The following GPR158 variants were observed in gnomAD, a reference collection of about 807,000 sequenced individuals.
GPR158 encodes G protein-coupled receptor 158.
A neutral mutation model predicts 78.2 loss-of-function variants in GPR158; 30 were observed. The ratio of observed to expected loss-of-function variants is 0.38; its 90% CI spans 0.29 to 0.52. The LOEUF is 0.52. Among genes scored for constraint, GPR158 ranks in the 20% least tolerant of loss-of-function variants. The pLI is 0.83. For synonymous variants in GPR158, 581 were observed against 591.1 expected, an observed-to-expected ratio of 0.98 and a Z score of 0.25; for missense variants, 1,463 against 1,523.5, an observed-to-expected ratio of 0.96 and a Z score of 0.66.
intron 2 of GPR158, among the ~76,000 whole-genome samples, chr10:25,372,711 G>A (rs1271891357): frequency 2.7e-5 from 3 of 109,784 alleles, no homozygotes; most frequent in African/African-American, 6.8e-5. Context: ...ACTGTTGTGG[G>A]GTGGGGGGAG....
At chr10:25,545,342 G>C (rs774306622) in intron 5 of GPR158, among the ~76,000 whole-genome samples, 1 of 152,120 alleles carries the variant, frequency 6.6e-6, no homozygotes, top group Admixed American at 6.6e-5. Flanking sequence ...AAGCATCCCT[G>C]TTTCTCCACA....
At chr10:25,234,170 C>A (rs762763254) in intron 2 of GPR158, among the ~76,000 whole-genome samples, 1 of 152,170 alleles carries the variant, frequency 6.6e-6, no homozygotes, top group Non-Finnish European at 1.5e-5. Context: ...TGATTTCTGA[C>A]CTTAATTCCA....
rs569042775 is a variant in GPR158, at chr10:25,190,493, C to T, written c.902+14171C>T. 2.0e-3 allele frequency among the ~76,000 whole-genome samples: 310 copies of T among 152,016 alleles called. 1 individual carries two copies. The highest frequency in any genetic ancestry group is 6.8e-3 in the Middle Eastern group (2 of 294). ...GACTACAGGTGTGCACCACCATGCC[C>T]GGCTAATTTTTCTATTTTTTGTAGA... On this transcript the variant is annotated intron_variant, in intron 1 of 10. Transcript: ENST00000376351.
rs1836168574 is a variant in GPR158 at position 25,516,131 on chromosome 10, C to T, written c.1405-34845C>T. ...TTCTCTGATGGCCAGTGATGATGAG[C>T]ATTTTTTCATGTGTTTTTTGGCTGC... On this transcript the variant is annotated intron_variant, in intron 5 of 10. Transcript: ENST00000376351. Among the ~76,000 whole-genome samples, 3 of 152,046 alleles carry T rather than the reference C, an allele frequency of 2.0e-5. 1 individual carries two copies. In the South Asian group the frequency reaches 6.2e-4, roughly 32 times the overall value.
chr10:25,307,104 T>A (rs1854688541), intron 2 of GPR158, among the ~76,000 whole-genome samples: 1 of 152,108 alleles, frequency 6.6e-6, no homozygotes, highest in East Asian at 1.9e-4. Flanking sequence ...TGATCTCACC[T>A]ACCATTCATT....
At chr10:25,183,431 G>A (rs981014764) in intron 1 of GPR158, among the ~76,000 whole-genome samples, 8 of 152,144 alleles carry the variant, frequency 5.3e-5, no homozygotes, top group African/African-American at 1.9e-4. Flanking sequence ...TATAGGTAGA[G>A]CTCAGAGGAA....
intron 2 of GPR158, among the ~76,000 whole-genome samples, chr10:25,350,612 G>T (rs1234451597): frequency 3.9e-5 from 6 of 151,988 alleles, no homozygotes; most frequent in African/African-American, 1.4e-4. Flanking sequence ...TAAGGGTATT[G>T]AAATTTTCTC....
At chr10:25,457,140 CTTTTTTTTTTTTTT>C (rs11384299) in intron 4 of GPR158, among the ~76,000 whole-genome samples, 1 of 59,402 alleles carries the variant, frequency 1.7e-5, no homozygotes, top group Non-Finnish European at 3.0e-5. Flanking sequence ...CCATGCCCAC[CTTTTTTTTTTTTTT>C]TTTTTTTTTT....
intron 2 of GPR158, among the ~76,000 whole-genome samples, chr10:25,227,292 G>A (rs978997663): frequency 6.6e-6 from 1 of 152,126 alleles, no homozygotes; most frequent in African/African-American, 2.4e-5. Flanking sequence ...TGTGGTTGGG[G>A]GAAAGAGAGA....
At chr10:25,511,343 C>T (rs1003420551) in intron 5 of GPR158, among the ~76,000 whole-genome samples, 1 of 152,140 alleles carries the variant, frequency 6.6e-6, no homozygotes, top group Non-Finnish European at 1.5e-5. Context: ...TGTATATCTT[C>T]TTCTGAGAAT....
At chr10:25,545,032 T>G (rs1429903138) in intron 5 of GPR158, among the ~76,000 whole-genome samples, 1 of 152,232 alleles carries the variant, frequency 6.6e-6, no homozygotes, top group East Asian at 1.9e-4. Flanking sequence ...GCAAAGGACA[T>G]GAACTCATCC....
intron 2 of GPR158, among the ~76,000 whole-genome samples, chr10:25,299,961 G>A (rs1428430655): frequency 1.3e-5 from 2 of 151,994 alleles, no homozygotes; most frequent in Admixed American, 6.6e-5. Flanking sequence ...GGAGTAGCTG[G>A]GATTACAGGT....
At chr10:25,590,153 A>T (rs1212382978) in intron 8 of GPR158, among the ~76,000 whole-genome samples, 3 of 152,156 alleles carry the variant, frequency 2.0e-5, no homozygotes, top group Non-Finnish European at 4.4e-5. Flanking sequence ...GTCAGCAGTC[A>T]GAAGATGTGA....
intron 2 of GPR158, among the ~76,000 whole-genome samples, chr10:25,274,218 G>C (rs1040585055): frequency 6.6e-6 from 1 of 152,116 alleles, no homozygotes; most frequent in African/African-American, 2.4e-5. Flanking sequence ...GTCTTTAGGT[G>C]ATATTCATTT....
At chr10:25,571,018 A>C (rs1836999356) in intron 6 of GPR158, among the ~76,000 whole-genome samples, 1 of 152,222 alleles carries the variant, frequency 6.6e-6, no homozygotes, top group Admixed American at 6.5e-5. Flanking sequence ...TTGGGAACAA[A>C]TACACCTGAT....
intron 5 of GPR158, among the ~76,000 whole-genome samples, chr10:25,546,734 G>A (rs1356243041): frequency 1.3e-5 from 2 of 152,174 alleles, no homozygotes; most frequent in African/African-American, 2.4e-5. Flanking sequence ...GCCTACTGGA[G>A]GGAAGACATG....
intron 7 of GPR158, among the ~76,000 whole-genome samples, chr10:25,576,563 A>C (rs1042204068): frequency 2.0e-5 from 3 of 152,188 alleles, no homozygotes; most frequent in Admixed American, 6.5e-5. Flanking sequence ...GGACATAGAG[A>C]GTAATGACGA....
chr10:25,285,789 T>A (rs1235264270), intron 2 of GPR158, among the ~76,000 whole-genome samples: 1 of 152,202 alleles, frequency 6.6e-6, no homozygotes, highest in Non-Finnish European at 1.5e-5. Flanking sequence ...CCAGTCAAGT[T>A]GACACCTAAA....
At chr10:25,551,208 T>C in intron 6 of GPR158, 123 bp downstream of exon 6, 1 of 642,484 alleles carries the variant, frequency 1.6e-6, no homozygotes, top group Non-Finnish European at 2.8e-6. Context: ...AGCAAGATAC[T>C]ATATATTTTT....
Sources: allele counts gnomAD v4.1 joint callset (sites outside exome capture counted in the v4.1 genomes callset), GRCh38; gene constraint gnomAD v4.1.1; transcripts MANE v1.5; gene names NCBI Gene and HGNC (gene_info 2026-07-23, HGNC 2026-07-21).